GPBP1L1: variants seen among roughly 807,000 people sequenced by gnomAD.
GPBP1L1 encodes the protein vasculin-like protein 1.
A neutral mutation model predicts 52.5 loss-of-function variants in GPBP1L1; 23 were observed. That is an observed-to-expected ratio of 0.44 (90% CI 0.32 to 0.62). The LOEUF is 0.62. GPBP1L1 is among the 20% of genes least tolerant of loss of function. The pLI is 0.06. For missense variants in GPBP1L1, 596 were observed against 579.3 expected, an observed-to-expected ratio of 1.03 and a Z score of -0.30; for synonymous variants, 243 against 203.1, an observed-to-expected ratio of 1.20 and a Z score of -1.67.
chr1:45,634,114 A>G lies in GPBP1L1; in HGVS notation c.867T>C (p.Ala289=). 6.2e-7 allele frequency: 1 copy of G among 1,612,860 alleles called. No homozygotes were observed. Among genetic ancestry groups the G allele is most frequent in the Non-Finnish European group, 8.5e-7 (1 of 1,179,098 alleles). Residue 289 remains alanine, a synonymous_variant, in exon 9 of 13, where the codon GCT becomes GCC. Transcript: ENST00000355105. ...CACTCACCTCTTTGGGAGAACTCAGAGCTGCACCACTAGCCAGTACCACTG... is the reference window on the plus strand; with the variant it reads ...CACTCACCTCTTTGGGAGAACTCAGGGCTGCACCACTAGCCAGTACCACTG... The part of the protein sequence containing the change: ...TKPVVLASGA[A]LSSPKESPSS...
At chr1:45,637,630 T>A (rs976837004) in intron 8 of GPBP1L1, among the ~76,000 whole-genome samples, 1 of 151,402 alleles carries the variant, frequency 6.6e-6, no homozygotes, top group African/African-American at 2.4e-5. Flanking sequence ...TTGTAAAAAT[T>A]TTTTTACCTT....
chr1:45,630,081 G>A (rs1428815705), intron 11 of GPBP1L1, among the ~76,000 whole-genome samples: 1 of 151,984 alleles, frequency 6.6e-6, no homozygotes, highest in Non-Finnish European at 1.5e-5. Flanking sequence ...CTCCCTAGTA[G>A]CTGGAATTAC....
chr1:45,678,224 G>T (rs2148516004), intron 2 of GPBP1L1, among the ~76,000 whole-genome samples: 1 of 152,272 alleles, frequency 6.6e-6, no homozygotes, highest in South Asian at 2.1e-4. Context: ...TAGTAGCAAT[G>T]GTTGTACAAA....
chr1:45,685,693 T>A (rs1182637338), intron 1 of GPBP1L1, 73 bp from the exon 2 acceptor site: 1 of 152,242 alleles, frequency 6.6e-6, no homozygotes, highest in Admixed American at 6.5e-5. Context: ...CTTTAAACGT[T>A]AATGTATTTA....
intron 2 of GPBP1L1, among the ~76,000 whole-genome samples, chr1:45,671,037 G>A (rs994747202): frequency 5.9e-5 from 9 of 151,334 alleles, no homozygotes; most frequent in Admixed American, 2.6e-4. Flanking sequence ...CAAGTGATCC[G>A]CCCGCCTCAG....
In GPBP1L1 at chr1:45,633,334, A is replaced by G. The variant is rs1358485785; in HGVS notation, c.1044+155T>C. Among the ~76,000 whole-genome samples, 5 of 152,250 alleles carry G rather than the reference A, an allele frequency of 3.3e-5. No individual in the cohort carries two copies. In the South Asian group the frequency reaches 6.2e-4, roughly 19 times the overall value. On this transcript the variant is annotated intron_variant, in intron 10 of 12. Transcript: ENST00000355105. The stretch of plus-strand genomic sequence containing the variant: ...TTTTGCTGAAAAAAGGATTAAACTC[A>G]CTTTACTATGTGGTCTAGAAGGCAG...
chr1:45,648,066 G>C (rs1644774275), intron 6 of GPBP1L1, among the ~76,000 whole-genome samples: 1 of 152,008 alleles, frequency 6.6e-6, no homozygotes, highest in Non-Finnish European at 1.5e-5. Context: ...TCAGCCCCCT[G>C]AGTAGCTGGG....
chr1:45,686,152 T>G (rs185651420), intron 1 of GPBP1L1, among the ~76,000 whole-genome samples: 1 of 152,236 alleles, frequency 6.6e-6, no homozygotes, highest in Non-Finnish European at 1.5e-5. Context: ...ACGACCGAAG[T>G]TAAAGTAGGA....
At position 45,627,498 on chromosome 1, in the gene GPBP1L1, T is replaced by C. The variant is rs1015159541; in HGVS notation, c.*758A>G. The C allele has an allele frequency of 1.3e-5, 2 of 152,656 alleles. No homozygotes were observed. The highest frequency in any genetic ancestry group is 2.9e-5 in the Non-Finnish European group (2 of 68,026). 9.5% of individuals were successfully genotyped at this position (152,656 alleles called of 1,614,324 possible). ...TCTTACACAAGACAATCCAAACTGA[T>C]GCAAAATATTTATTCCAAGTTAGTT... On this transcript the variant is annotated 3_prime_UTR_variant, in exon 13 of 13. Transcript: ENST00000355105.
At chr1:45,656,721 A>G (rs1644889013) in intron 4 of GPBP1L1, among the ~76,000 whole-genome samples, 1 of 151,224 alleles carries the variant, frequency 6.6e-6, no homozygotes, top group East Asian at 1.9e-4. Context: ...GCTGGAGTAC[A>G]GTAGCCCGAT....
At chr1:45,653,804 T>C (rs1339144587) in intron 6 of GPBP1L1, among the ~76,000 whole-genome samples, 1 of 151,464 alleles carries the variant, frequency 6.6e-6, no homozygotes, top group Non-Finnish European at 1.5e-5. Context: ...GTTCACGTGA[T>C]TCTCCTGCCT....
intron 6 of GPBP1L1, among the ~76,000 whole-genome samples, chr1:45,644,794 T>C (rs1205489933): frequency 6.6e-6 from 1 of 152,208 alleles, no homozygotes; most frequent in East Asian, 1.9e-4. Context: ...CTGGTGCTCA[T>C]AGCCTAAAAC....
At chr1:45,656,215 A>G (rs1364883058) in intron 4 of GPBP1L1, 1 of 152,230 alleles carries the variant, frequency 6.6e-6, no homozygotes. Context: ...TGAGGTAACA[A>G]AACTGGAAGG....
At chr1:45,641,177 A>G (rs1294282403) in intron 7 of GPBP1L1, among the ~76,000 whole-genome samples, 1 of 152,214 alleles carries the variant, frequency 6.6e-6, no homozygotes, top group Non-Finnish European at 1.5e-5. Flanking sequence ...GAGAAGGTAC[A>G]TCGATCAATC....
intron 1 of GPBP1L1, among the ~76,000 whole-genome samples, chr1:45,686,081 G>C (rs1185508769): frequency 2.6e-5 from 4 of 152,212 alleles, no homozygotes; most frequent in Non-Finnish European, 5.9e-5. Flanking sequence ...GTCACTCAAC[G>C]AGCACCAAGC....
intron 6 of GPBP1L1, among the ~76,000 whole-genome samples, chr1:45,646,892 T>A (rs1644754182): frequency 6.6e-6 from 1 of 152,056 alleles, no homozygotes; most frequent in Non-Finnish European, 1.5e-5. Context: ...TTATTTTGGT[T>A]TTCTTTCTGG....
intron 6 of GPBP1L1, among the ~76,000 whole-genome samples, chr1:45,652,933 C>T (rs944524509): frequency 2.6e-5 from 4 of 152,068 alleles, no homozygotes; most frequent in African/African-American, 9.7e-5. Context: ...GCTTGTAATA[C>T]AAGTTTGCTG....
At chr1:45,639,025 T>C (rs189813496) in intron 8 of GPBP1L1, among the ~76,000 whole-genome samples, 1 of 152,294 alleles carries the variant, frequency 6.6e-6, no homozygotes, top group African/African-American at 2.4e-5. Context: ...GAGCTCATAC[T>C]TATTTTTACA....
Position 45,640,195 on chromosome 1 carries a change from G to A in GPBP1L1, c.744+15C>T, listed in dbSNP as rs1487207973. The A allele has an allele frequency of 6.2e-7, 1 of 1,600,966 alleles. No homozygotes were observed. Among genetic ancestry groups the A allele is most frequent in the Admixed American group, 1.7e-5 (1 of 59,316 alleles). ...CTCTCTTGTATAAGGTTCTTGCCCT[G>A]ATTCTAAATCATACCTTGGAAGGAG... On this transcript the variant is annotated intron_variant, in intron 8 of 12. Coordinates refer to ENST00000355105, the MANE Select transcript of GPBP1L1 (RefSeq NM_021639.5).
Sources: allele counts gnomAD v4.1 joint callset (sites outside exome capture counted in the v4.1 genomes callset), GRCh38; gene constraint gnomAD v4.1.1; transcripts MANE v1.5; gene names NCBI Gene and HGNC (gene_info 2026-07-23, HGNC 2026-07-21).